Variants in ST7L observed in about 807,000 individuals in gnomAD.
ST7L encodes suppression of tumorigenicity 7 like.
ST7L carries 57 observed loss-of-function variants against 72.5 expected under a neutral mutation model. The ratio of observed to expected loss-of-function variants is 0.79; its 90% CI spans 0.64 to 0.98. The LOEUF (loss-of-function observed/expected upper bound fraction) is 0.98. ST7L is among the 50% of genes least tolerant of loss of function. The pLI is 0.00. For missense variants in ST7L, 576 were observed against 672.2 expected, an observed-to-expected ratio of 0.86 and a Z score of 1.58; for synonymous variants, 221 against 240.9, an observed-to-expected ratio of 0.92 and a Z score of 0.77.
At chr1:112,605,028 A>C (rs1667993878) in intron 3 of ST7L, among the ~76,000 whole-genome samples, 1 of 145,150 alleles carries the variant, frequency 6.9e-6, no homozygotes, top group Non-Finnish European at 1.5e-5. Context: ...CAGAGGTTGC[A>C]GTGAGCAGAG....
chr1:112,566,118 C>A (rs764913722), intron 11 of ST7L, among the ~76,000 whole-genome samples: 1 of 151,986 alleles, frequency 6.6e-6, no homozygotes, highest in Non-Finnish European at 1.5e-5. Flanking sequence ...TATCTAATTT[C>A]ATCAGAAGGC....
intron 6 of ST7L, among the ~76,000 whole-genome samples, chr1:112,586,863 A>G (rs368231288): frequency 2.0e-5 from 3 of 152,324 alleles, no homozygotes; most frequent in East Asian, 3.9e-4. Context: ...CATCGCCACA[A>G]TGTAATTCCA....
chr1:112,591,703 T>C, intron 5 of ST7L, 100 bp from the exon 6 acceptor site: 1 of 771,464 alleles, frequency 1.3e-6, no homozygotes, highest in South Asian at 2.2e-5. Context: ...TTAAATAATA[T>C]ATTCTTAAAC....
chr1:112,602,801 C>T (rs191510021), intron 3 of ST7L, among the ~76,000 whole-genome samples: 84 of 150,702 alleles, frequency 5.6e-4, no homozygotes, highest in African/African-American at 1.9e-3. Context: ...CTGCATGCTC[C>T]GCCTCCCAGG....
intron 3 of ST7L, among the ~76,000 whole-genome samples, chr1:112,607,954 T>C (rs1275607731): frequency 1.3e-5 from 2 of 152,192 alleles, no homozygotes; most frequent in Non-Finnish European, 2.9e-5. Flanking sequence ...GCTAATATTA[T>C]TGAATAAGAT....
rs2101894012 is a variant in ST7L at position 112,584,204 on chromosome 1, A to G, written c.702-78T>C. The G allele has an allele frequency of 8.5e-6, 12 of 1,419,510 alleles. No individual in the cohort carries two copies. The South Asian group carries it at 1.6e-4, about 19-fold the overall frequency. The allele number at this position is 1,419,510 out of a possible 1,614,324, so 87.9% of individuals were successfully genotyped here. A position where few individuals can be genotyped will look rare whatever the true frequency, so the allele number is the denominator to read the frequency against. On this transcript the variant is annotated intron_variant, in intron 6 of 14. Coordinates refer to ENST00000358039, the MANE Select transcript of ST7L (RefSeq NM_017744.5). The stretch of plus-strand genomic sequence containing the variant: ...TCTCTTGGTTATGTCCCTTTGCTCT[A>G]TGTCATATTTCCTTACCTACACTTT...
At chr1:112,588,932 C>T (rs1177764471) in intron 6 of ST7L, among the ~76,000 whole-genome samples, 1 of 152,068 alleles carries the variant, frequency 6.6e-6, no homozygotes, top group East Asian at 1.9e-4. Flanking sequence ...TTCTTTACTC[C>T]TTAATTTTTT....
intron 13 of ST7L, among the ~76,000 whole-genome samples, chr1:112,543,420 C>T (rs905286680): frequency 1.3e-5 from 2 of 152,102 alleles, no homozygotes; most frequent in South Asian, 2.1e-4. Flanking sequence ...TGGTGACACG[C>T]GCCTATAGTC....
chr1:112,545,784 T>C (rs1000049579), intron 13 of ST7L, among the ~76,000 whole-genome samples: 2 of 152,206 alleles, frequency 1.3e-5, no homozygotes, highest in Admixed American at 1.3e-4. Flanking sequence ...TGTGCATCCA[T>C]GGTTCCACCC....
chr1:112,553,960 T>C (rs1434958171), intron 12 of ST7L, among the ~76,000 whole-genome samples: 1 of 152,168 alleles, frequency 6.6e-6, no homozygotes, highest in African/African-American at 2.4e-5. Flanking sequence ...CCTTGACCTT[T>C]TGGGAGGCCT....
At chr1:112,556,706 G>A (rs1236572344) in intron 11 of ST7L, among the ~76,000 whole-genome samples, 1 of 151,974 alleles carries the variant, frequency 6.6e-6, no homozygotes, top group Non-Finnish European at 1.5e-5. Flanking sequence ...GGCCGAGTGC[G>A]CTGGCTCACA....
At chr1:112,618,678 G>A (rs1376453920) in intron 1 of ST7L, 8 of 852,766 alleles carry the variant, frequency 9.4e-6, no homozygotes, top group Non-Finnish European at 1.4e-5. Flanking sequence ...GAAAAACGAG[G>A]ACATAAGAGA....
At chr1:112,607,394 G>A (rs184845207) in intron 3 of ST7L, 1 of 152,330 alleles carries the variant, frequency 6.6e-6, no homozygotes, top group East Asian at 1.9e-4. Context: ...GAGGTCAGGG[G>A]TTTGAGACCA....
chr1:112,576,860 G>C (rs1018624187), intron 11 of ST7L, 126 bp downstream of exon 11: 20 of 598,776 alleles, frequency 3.3e-5, no homozygotes, highest in Non-Finnish European at 4.8e-5. Flanking sequence ...TGAATAATAA[G>C]CATCAAAATA....
chr1:112,548,892 G>A (rs544898331), intron 13 of ST7L, among the ~76,000 whole-genome samples: 4 of 152,150 alleles, frequency 2.6e-5, no homozygotes, highest in Non-Finnish European at 5.9e-5. Flanking sequence ...ACATATTTCC[G>A]GTTCTCCTTC....
At chr1:112,615,581 G>A (rs1408478063) in intron 2 of ST7L, among the ~76,000 whole-genome samples, 2 of 152,078 alleles carry the variant, frequency 1.3e-5, no homozygotes, top group Non-Finnish European at 2.9e-5. Context: ...AGGCTGAGAC[G>A]GGAGGATGGC....
At chr1:112,569,782 C>A (rs1571080853) in intron 11 of ST7L, among the ~76,000 whole-genome samples, 2 of 151,932 alleles carry the variant, frequency 1.3e-5, no homozygotes, top group African/African-American at 4.8e-5. Flanking sequence ...CATGGTGAAA[C>A]CCCATCTCTA....
At chr1:112,610,582 GTGTCCTCCCAC>G in intron 3 of ST7L, 1 of 375,556 alleles carries the variant, frequency 2.7e-6, no homozygotes, top group Non-Finnish European at 4.7e-6. Flanking sequence ...CCTTCTCGTG[GTGTCCTCCCAC>G]GGTAGAAGTG....
chr1:112,566,605 G>A (rs889726077), intron 11 of ST7L, among the ~76,000 whole-genome samples: 3 of 151,968 alleles, frequency 2.0e-5, no homozygotes, highest in African/African-American at 7.2e-5. Context: ...CCATCAAAAC[G>A]TATCTTCTTT....
Sources: gnomAD v4.1 joint callset for allele counts (sites outside exome capture counted in the v4.1 genomes callset) on GRCh38, gnomAD v4.1.1 for gene constraint, MANE v1.5 for transcripts, NCBI Gene and HGNC (gene_info 2026-07-23, HGNC 2026-07-21) for gene names.